Variants in LRRC28 observed in about 807,000 individuals in gnomAD.
The protein encoded by LRRC28 is leucine-rich repeat-containing protein 28.
Under a neutral mutation model 45.7 loss-of-function variants are expected in LRRC28, and 39 were observed. The observed-to-expected ratio is 0.85, with a 90% CI of 0.66 to 1.12. The LOEUF (loss-of-function observed/expected upper bound fraction) is 1.12, where lower values mean the gene tolerates loss of function less well. LRRC28 is among the 50% of genes most tolerant of loss of function. The pLI is 0.00. For missense variants in LRRC28, 435 were observed against 438.5 expected (o/e 0.99, Z 0.07); for synonymous variants, 206 against 178.8 (o/e 1.15, Z -1.22).
At chr15:99,279,112 C>T (rs1322712855) in intron 3 of LRRC28, among the ~76,000 whole-genome samples, 2 of 152,176 alleles carry the variant, frequency 1.3e-5, no homozygotes, top group Admixed American at 1.3e-4. Context: ...TCTATGGATA[C>T]ACGTTTTTCT....
chr15:99,348,884 A>G (rs796669228), intron 6 of LRRC28, among the ~76,000 whole-genome samples: 2 of 152,072 alleles, frequency 1.3e-5, no homozygotes, highest in African/African-American at 4.8e-5. Flanking sequence ...ACATTTTGAC[A>G]GTATTAATTC....
intron 8 of LRRC28, among the ~76,000 whole-genome samples, chr15:99,361,747 A>G (rs377730454): frequency 4.6e-5 from 7 of 152,210 alleles, no homozygotes; most frequent in African/African-American, 1.7e-4. Flanking sequence ...TTTTATTAAC[A>G]CTGATCACTT....
intron 2 of LRRC28, among the ~76,000 whole-genome samples, chr15:99,268,290 A>G (rs527532236): frequency 1.3e-5 from 2 of 152,316 alleles, no homozygotes; most frequent in African/African-American, 2.4e-5. Flanking sequence ...TTAAACATGT[A>G]TCATTCTTTG....
Position 99,386,187 on chromosome 15 carries a change from C to A in LRRC28, c.*85C>A, listed in dbSNP as rs2152563958. The stretch of plus-strand genomic sequence containing the variant: ...AGCACACTCTTCCATCCTGTCCTGT[C>A]CAATGCGGGGGCACTGCAGAACTCT... On this transcript the variant is annotated 3_prime_UTR_variant, in exon 10 of 10. Transcript: ENST00000301981. 1.9e-6 allele frequency: 2 copies of A among 1,059,514 alleles called. No homozygotes were observed. Among genetic ancestry groups the A allele is most frequent in the Non-Finnish European group, 3.0e-6 (2 of 676,760 alleles). 65.6% of individuals were successfully genotyped at this position (1,059,514 alleles called of 1,614,324 possible).
At chr15:99,339,052 C>T (rs1433384665) in intron 6 of LRRC28, among the ~76,000 whole-genome samples, 4 of 152,238 alleles carry the variant, frequency 2.6e-5, no homozygotes, top group Admixed American at 6.5e-5. Flanking sequence ...GGCCTCGAGA[C>T]GTGAATATTT....
intron 6 of LRRC28, among the ~76,000 whole-genome samples, chr15:99,344,250 C>G (rs1396837382): frequency 6.6e-6 from 1 of 152,150 alleles, no homozygotes; most frequent in Non-Finnish European, 1.5e-5. Flanking sequence ...ACTCTTATCC[C>G]CTTGTTGCAC....
At chr15:99,256,226 C>T in intron 2 of LRRC28, 101 bp downstream of exon 2, 5 of 858,958 alleles carry the variant, frequency 5.8e-6, no homozygotes, top group Non-Finnish European at 8.5e-6. Flanking sequence ...ACTTATATCC[C>T]CTGTTGTTAT....
chr15:99,289,013 A>G (rs940404315), intron 5 of LRRC28, among the ~76,000 whole-genome samples: 4 of 152,222 alleles, frequency 2.6e-5, no homozygotes, highest in Admixed American at 6.5e-5. Flanking sequence ...AAGGAATCAT[A>G]CTAAAATTTA....
chr15:99,365,876 G>C (rs911868441), intron 9 of LRRC28, among the ~76,000 whole-genome samples: 7 of 152,150 alleles, frequency 4.6e-5, no homozygotes, highest in Non-Finnish European at 1.0e-4. Flanking sequence ...TAGCAAAGAA[G>C]AATAGCTAGT....
intron 5 of LRRC28, among the ~76,000 whole-genome samples, chr15:99,316,784 A>G (rs1282761376): frequency 1.3e-5 from 2 of 152,024 alleles, no homozygotes; most frequent in Admixed American, 6.6e-5. Flanking sequence ...GTATCTGTAA[A>G]GTATTGAAAG....
At chr15:99,287,059 A>G in intron 3 of LRRC28, 198 bp from the exon 4 acceptor site, 1 of 447,694 alleles carries the variant, frequency 2.2e-6, no homozygotes, top group Non-Finnish European at 4.0e-6. Context: ...AATATTTGCA[A>G]TTCTGGTACA....
At chr15:99,378,971 T>C (rs1470086939) in intron 9 of LRRC28, among the ~76,000 whole-genome samples, 1 of 152,032 alleles carries the variant, frequency 6.6e-6, no homozygotes, top group African/African-American at 2.4e-5. Flanking sequence ...TTTGCCTCAA[T>C]GTTCTTCAGG....
At chr15:99,370,636 T>A (rs972043730) in intron 9 of LRRC28, among the ~76,000 whole-genome samples, 1 of 152,164 alleles carries the variant, frequency 6.6e-6, no homozygotes, top group Non-Finnish European at 1.5e-5. Flanking sequence ...TGCCTAAAAC[T>A]GTATACATAT....
At chr15:99,358,217 T>C (rs796334365) in intron 7 of LRRC28, among the ~76,000 whole-genome samples, 2 of 152,298 alleles carry the variant, frequency 1.3e-5, no homozygotes, top group African/African-American at 4.8e-5. Context: ...ACCACACATT[T>C]AAATATACAG....
rs572708145 is a variant in LRRC28 at position 99,352,753 on chromosome 15, A to G, written c.695+282A>G. 3.9e-5 allele frequency among the ~76,000 whole-genome samples: 6 copies of G among 152,338 alleles called. No individual in the cohort carries two copies. The East Asian group carries it at 1.2e-3, about 29-fold the overall frequency. ...CTTTATTGAGGTAGAGTTGACAAATAAAATTGTAATTATTTAAATGGTACA... is the reference window on the plus strand; with the variant it reads ...CTTTATTGAGGTAGAGTTGACAAATGAAATTGTAATTATTTAAATGGTACA... On this transcript the variant is annotated intron_variant, in intron 7 of 9. Coordinates refer to ENST00000301981, the MANE Select transcript of LRRC28 (RefSeq NM_144598.5).
rs182891726 is a variant in LRRC28, at chr15:99,365,108, C to T, written c.1031+1843C>T. ...TAAAATTAAACTTTTTTAATCTTGGCAATTCATTTACGAAAATAAAGTAGA... is the reference window on the plus strand; with the variant it reads ...TAAAATTAAACTTTTTTAATCTTGGTAATTCATTTACGAAAATAAAGTAGA... On this transcript the variant is annotated intron_variant, in intron 9 of 9. Coordinates refer to ENST00000301981, the MANE Select transcript of LRRC28 (RefSeq NM_144598.5). Among the ~76,000 whole-genome samples, 41 of 152,236 alleles carry T rather than the reference C, an allele frequency of 2.7e-4. 1 individual carries two copies. Among genetic ancestry groups the T allele is most frequent in the African/African-American group, 9.1e-4 (38 of 41,544 alleles).
In LRRC28 at chr15:99,389,161, GGT is replaced by G. The variant is rs575670020; in HGVS notation, c.*3062_*3063del. ...TGACCCTTCTCTTCTGGAAAAGTGAGGTGTACATTAAACATCTTTTGGTCACC... is the reference window on the plus strand; with the variant it reads ...TGACCCTTCTCTTCTGGAAAAGTGAGGTACATTAAACATCTTTTGGTCACC... On this transcript the variant is annotated 3_prime_UTR_variant, in exon 10 of 10. Transcript: ENST00000301981. 6.6e-6 allele frequency: 1 copy of G among 152,160 alleles called. No homozygotes were observed. The highest frequency in any genetic ancestry group is 2.1e-4 in the South Asian group (1 of 4,828). The allele number at this position is 152,160 out of a possible 1,614,324, so 9.4% of individuals were successfully genotyped here.
At chr15:99,384,673 C>T (rs1429582989) in intron 9 of LRRC28, 1 of 152,216 alleles carries the variant, frequency 6.6e-6, no homozygotes, top group East Asian at 1.9e-4. Context: ...GTGCCACAGC[C>T]ACTTGCTTTC....
chr15:99,347,849 C>T (rs977933239), intron 6 of LRRC28, among the ~76,000 whole-genome samples: 6 of 152,118 alleles, frequency 3.9e-5, no homozygotes, highest in Admixed American at 3.3e-4. Flanking sequence ...CTTTAGGAAC[C>T]TCCATACTGT....
Sources: gnomAD v4.1 joint callset for allele counts (sites outside exome capture counted in the v4.1 genomes callset) on GRCh38, gnomAD v4.1.1 for gene constraint, MANE v1.5 for transcripts, NCBI Gene and HGNC (gene_info 2026-07-23, HGNC 2026-07-21) for gene names.